Variants in FAM53B observed in about 807,000 individuals in gnomAD.
The protein encoded by FAM53B is family with sequence similarity 53 member B.
A neutral mutation model predicts 32.7 loss-of-function variants in FAM53B; 12 were observed. The observed-to-expected ratio is 0.37, with a 90% CI of 0.24 to 0.59. FAM53B has a LOEUF of 0.59. FAM53B is among the 20% of genes least tolerant of loss of function. FAM53B has a pLI of 0.72. For synonymous variants in FAM53B, 234 were observed against 228.7 expected, an observed-to-expected ratio of 1.02 and a Z score of -0.21; for missense variants, 477 against 577.7, an observed-to-expected ratio of 0.83 and a Z score of 1.79.
chr10:124,678,091 A>G (rs1478026796), intron 4 of FAM53B, among the ~76,000 whole-genome samples: 2 of 152,250 alleles, frequency 1.3e-5, no homozygotes, highest in African/African-American at 4.8e-5. Flanking sequence ...ATGGAAACAC[A>G]GGGAAAACAC....
intron 3 of FAM53B, among the ~76,000 whole-genome samples, chr10:124,687,402 G>C (rs1949809262): frequency 6.6e-6 from 1 of 152,308 alleles, no homozygotes; most frequent in East Asian, 1.9e-4. Context: ...GAAAGGGCAA[G>C]GACCTGGGTT....
intron 1 of FAM53B, among the ~76,000 whole-genome samples, chr10:124,717,363 C>A (rs1277345400): frequency 2.0e-5 from 3 of 152,164 alleles, no homozygotes; most frequent in Non-Finnish European, 2.9e-5. Flanking sequence ...CTGGAGAGAG[C>A]ATGAAAATCA....
chr10:124,681,274 G>A (rs2134068238), intron 4 of FAM53B, among the ~76,000 whole-genome samples: 1 of 152,294 alleles, frequency 6.6e-6, no homozygotes, highest in Middle Eastern at 3.4e-3. Flanking sequence ...TGGCTTCCTG[G>A]GAGAGACGGC....
At chr10:124,710,756 G>A (rs151164154) in intron 1 of FAM53B, among the ~76,000 whole-genome samples, 7 of 152,234 alleles carry the variant, frequency 4.6e-5, no homozygotes, top group Admixed American at 3.9e-4. Context: ...TAGGTACCAG[G>A]CGCTTTACAC....
chr10:124,701,013 C>A (rs955236713), intron 2 of FAM53B, among the ~76,000 whole-genome samples: 2 of 152,232 alleles, frequency 1.3e-5, no homozygotes, highest in Non-Finnish European at 2.9e-5. Context: ...CTCAAAGATG[C>A]GGATAGAGAT....
At chr10:124,630,885 A>G (rs1291266440) in intron 4 of FAM53B, among the ~76,000 whole-genome samples, 1 of 152,260 alleles carries the variant, frequency 6.6e-6, no homozygotes, top group East Asian at 1.9e-4. Flanking sequence ...AAGCCAGTAC[A>G]GCAGGGGACA....
intron 4 of FAM53B, among the ~76,000 whole-genome samples, chr10:124,633,098 C>G (rs1221045143): frequency 6.6e-6 from 1 of 152,130 alleles, no homozygotes; most frequent in Non-Finnish European, 1.5e-5. Context: ...GTGGACACAG[C>G]AAGGCCACAG....
chr10:124,657,108 A>ATATG (rs1554904644), intron 4 of FAM53B, among the ~76,000 whole-genome samples: 3 of 137,114 alleles, frequency 2.2e-5, no homozygotes, highest in Admixed American at 7.4e-5. Flanking sequence ...GTGTATATAT[A>ATATG]TGTGTGTGTG....
At chr10:124,708,199 T>G (rs2134086891) in intron 1 of FAM53B, among the ~76,000 whole-genome samples, 1 of 152,348 alleles carries the variant, frequency 6.6e-6, no homozygotes, top group East Asian at 1.9e-4. Context: ...TTTTAGAATC[T>G]GCTGCTCTGT....
In FAM53B at chr10:124,661,056, T is replaced by TAAAA. The variant is rs57830542; in HGVS notation, c.906+20547_906+20550dup. 3.0e-3 allele frequency among the ~76,000 whole-genome samples: 389 copies of TAAAA among 130,494 alleles called. 9 individuals carry two copies. Among genetic ancestry groups the TAAAA allele is most frequent in the African/African-American group, 8.1e-3 (267 of 33,146 alleles). 85.6% of individuals were successfully genotyped at this position (130,494 alleles called of 152,430 possible). On this transcript the variant is annotated intron_variant, in intron 4 of 4. Transcript: ENST00000337318. The stretch of plus-strand genomic sequence containing the variant: ...CCTGTACCCCAAAAGCTACTGAAAT[T>TAAAA]AAAAAAAAAAAAAAAAAAAAACAGG...
At chr10:124,663,574 G>A (rs745928736) in intron 4 of FAM53B, among the ~76,000 whole-genome samples, 7 of 152,184 alleles carry the variant, frequency 4.6e-5, no homozygotes, top group Admixed American at 1.3e-4. Context: ...AGGAGCTCGC[G>A]ATGTACTTGG....
chr10:124,711,519 G>A (rs1348467725), intron 1 of FAM53B, among the ~76,000 whole-genome samples: 1 of 152,016 alleles, frequency 6.6e-6, no homozygotes, highest in Non-Finnish European at 1.5e-5. Flanking sequence ...AACTGCATGA[G>A]TGTAAATGAT....
At chr10:124,731,008 C>T (rs1950139149) in intron 1 of FAM53B, among the ~76,000 whole-genome samples, 1 of 152,182 alleles carries the variant, frequency 6.6e-6, no homozygotes, top group Non-Finnish European at 1.5e-5. Context: ...CAAATGTAGG[C>T]AGTGGGCCAG....
At chr10:124,656,055 C>T (rs11245323) in intron 4 of FAM53B, among the ~76,000 whole-genome samples, 41,405 of 152,186 alleles carry the variant, frequency 0.27, 6,463 homozygotes, top group South Asian at 0.39. Flanking sequence ...AGTACCAGCA[C>T]GGTACCCAGC....
chr10:124,677,538 G>A (rs1007437901), intron 4 of FAM53B, among the ~76,000 whole-genome samples: 2 of 152,216 alleles, frequency 1.3e-5, no homozygotes, highest in East Asian at 3.9e-4. Flanking sequence ...CAGGGAGGGC[G>A]GCCACTGCTG....
chr10:124,640,783 T>C (rs1949465343), intron 4 of FAM53B, among the ~76,000 whole-genome samples: 1 of 152,008 alleles, frequency 6.6e-6, no homozygotes, highest in Non-Finnish European at 1.5e-5. Flanking sequence ...GCAGTCTGAA[T>C]CCGGGATCAG....
chr10:124,692,381 G>A (rs2134075189), intron 3 of FAM53B, among the ~76,000 whole-genome samples: 1 of 152,264 alleles, frequency 6.6e-6, no homozygotes, highest in African/African-American at 2.4e-5. Context: ...TGCAATCACA[G>A]GGCGTGAAGT....
chr10:124,711,766 G>C (rs934096184), intron 1 of FAM53B, among the ~76,000 whole-genome samples: 27 of 152,152 alleles, frequency 1.8e-4, no homozygotes, highest in Non-Finnish European at 4.0e-4. Context: ...TTAAAATGGG[G>C]CTGAGGCTGG....
chr10:124,664,015 G>A (rs1006349053), intron 4 of FAM53B, among the ~76,000 whole-genome samples: 4 of 152,014 alleles, frequency 2.6e-5, no homozygotes, highest in Non-Finnish European at 5.9e-5. Flanking sequence ...AGGCCCTGCG[G>A]TCAGTGCTGC....
Sources: gnomAD v4.1 joint callset for allele counts (sites outside exome capture counted in the v4.1 genomes callset) on GRCh38, gnomAD v4.1.1 for gene constraint, MANE v1.5 for transcripts, NCBI Gene and HGNC (gene_info 2026-07-23, HGNC 2026-07-21) for gene names.